PDE11A: variants seen among roughly 807,000 people sequenced by gnomAD.
PDE11A encodes phosphodiesterase 11A.
In PDE11A, 100 loss-of-function variants were observed where a neutral mutation model predicts 100.5. The ratio of observed to expected loss-of-function variants is 1.00; its 90% CI spans 0.85 to 1.18. The LOEUF (loss-of-function observed/expected upper bound fraction) is 1.18. Among genes scored for constraint, PDE11A ranks in the 50% most tolerant of loss-of-function variants. The pLI is 0.00. For missense variants in PDE11A, 1,141 were observed against 1,152.6 expected (o/e 0.99, Z 0.15); for synonymous variants, 381 against 420.8 (o/e 0.91, Z 1.16).
At chr2:177,894,333 G>C (rs1455295880) in intron 4 of PDE11A, among the ~76,000 whole-genome samples, 1 of 152,098 alleles carries the variant, frequency 6.6e-6, no homozygotes, top group African/African-American at 2.4e-5. Flanking sequence ...CAGCAGACTT[G>C]CCAAAAAGTC....
intron 19 of PDE11A, among the ~76,000 whole-genome samples, chr2:177,630,757 T>C (rs1670873624): frequency 6.6e-6 from 1 of 152,144 alleles, no homozygotes; most frequent in African/African-American, 2.4e-5. Flanking sequence ...TCAGCAAAAA[T>C]CTCTATTATG....
intron 9 of PDE11A, among the ~76,000 whole-genome samples, chr2:177,777,235 T>C (rs2082390374): frequency 7.1e-6 from 1 of 141,786 alleles, no homozygotes; most frequent in Non-Finnish European, 1.5e-5. Context: ...ATATTTGTTG[T>C]TTAAGTGACC....
intron 2 of PDE11A, chr2:177,998,411 G>T: frequency 1.1e-6 from 1 of 894,622 alleles, no homozygotes; most frequent in East Asian, 2.4e-5. Flanking sequence ...TACTCAACAG[G>T]GCATTGTTCA....
In PDE11A at chr2:177,624,150, T is replaced by TCA. The variant is rs1415891001; in HGVS notation, c.*5256_*5257insTG. On this transcript the variant is annotated 3_prime_UTR_variant, in exon 20 of 20. Transcript: ENST00000286063. ...GCAGAATAACAATTTCAGAGACTGT[T>TCA]ACTCTGAAGCAGATAATGAAACTTC... The TCA allele has an allele frequency of 6.6e-6, 1 of 152,222 alleles. No homozygotes were observed. Among genetic ancestry groups the TCA allele is most frequent in the Non-Finnish European group, 1.5e-5 (1 of 68,032 alleles). The allele number at this position is 152,222 out of a possible 1,614,324, so 9.4% of individuals were successfully genotyped here.
chr2:177,751,113 A>C (rs1214516771), intron 10 of PDE11A, among the ~76,000 whole-genome samples: 1 of 135,476 alleles, frequency 7.4e-6, no homozygotes, highest in Admixed American at 8.1e-5. Flanking sequence ...TAATGCATAG[A>C]GTCATAGTGA....
intron 19 of PDE11A, among the ~76,000 whole-genome samples, chr2:177,637,189 A>G (rs955257400): frequency 6.6e-6 from 1 of 152,238 alleles, no homozygotes; most frequent in Non-Finnish European, 1.5e-5. Flanking sequence ...TCTTCACTTT[A>G]TAGATAAGGA....
chr2:177,851,288 A>G (rs1330993410), intron 5 of PDE11A, among the ~76,000 whole-genome samples: 2 of 152,040 alleles, frequency 1.3e-5, no homozygotes, highest in African/African-American at 4.8e-5. Flanking sequence ...TCTCAAGAAC[A>G]AAAAACCAAA....
intron 2 of PDE11A, among the ~76,000 whole-genome samples, chr2:177,945,418 C>T (rs1422427224): frequency 3.8e-3 from 502 of 130,516 alleles, no homozygotes; most frequent in Non-Finnish European, 5.3e-3. Flanking sequence ...AAGTGAGGAG[C>T]GTCTCTGCCC....
rs141443666 is a variant in PDE11A, at chr2:177,772,393, T to C, written c.1738-3020A>G. Among the ~76,000 whole-genome samples, 8 of 152,324 alleles carry C rather than the reference T, an allele frequency of 5.3e-5. No homozygotes were observed. In the East Asian group the frequency reaches 1.5e-3, roughly 29 times the overall value. Reference sequence around the variant, plus strand: ...CCAACTTATAGGTATTGTATTAATATTCAATTAAAATTCTACCAAATAAAT... The same window carrying C: ...CCAACTTATAGGTATTGTATTAATACTCAATTAAAATTCTACCAAATAAAT... On this transcript the variant is annotated intron_variant, in intron 9 of 19. Coordinates refer to ENST00000286063, the MANE Select transcript of PDE11A (RefSeq NM_016953.4).
chr2:178,084,203 C>T (rs1047421044), intron 2 of PDE11A, among the ~76,000 whole-genome samples: 1 of 152,200 alleles, frequency 6.6e-6, no homozygotes, highest in Admixed American at 6.5e-5. Context: ...AAAATTAACA[C>T]TCCAAGGTAA....
In PDE11A at chr2:177,629,263, C is replaced by T; in HGVS notation, c.*144G>A. On this transcript the variant is annotated 3_prime_UTR_variant, in exon 20 of 20. Coordinates refer to ENST00000286063, the MANE Select transcript of PDE11A (RefSeq NM_016953.4). ...GCTCTCTCTGCTGCTGACCATGCTT[C>T]AAGGTGAAAGCCCAGGCATGCTTCC... 1 of 784,710 alleles carries T rather than the reference C, an allele frequency of 1.3e-6. No individual in the cohort carries two copies. The highest frequency in any genetic ancestry group is 2.3e-6 in the Non-Finnish European group (1 of 444,174). 48.6% of individuals were successfully genotyped at this position (784,710 alleles called of 1,614,324 possible).
intron 1 of PDE11A, among the ~76,000 whole-genome samples, chr2:178,048,967 G>A (rs1045633567): frequency 6.6e-6 from 1 of 152,126 alleles, no homozygotes; most frequent in Non-Finnish European, 1.5e-5. Flanking sequence ...CTGTGGCCCT[G>A]TGACCTCAGG....
chr2:177,687,179 A>C (rs938059853), intron 15 of PDE11A: 6 of 152,188 alleles, frequency 3.9e-5, no homozygotes, highest in Non-Finnish European at 7.3e-5. Context: ...AAAGGTATAA[A>C]AATTACACAG....
At chr2:177,798,314 T>G (rs1002162224) in intron 9 of PDE11A, among the ~76,000 whole-genome samples, 3 of 152,250 alleles carry the variant, frequency 2.0e-5, no homozygotes, top group African/African-American at 4.8e-5. Flanking sequence ...GTAATCATAC[T>G]TTCATTTATC....
chr2:177,907,593 A>G (rs1334407657), intron 2 of PDE11A, among the ~76,000 whole-genome samples: 1 of 152,188 alleles, frequency 6.6e-6, no homozygotes, highest in East Asian at 1.9e-4. Flanking sequence ...ATAATTCTCT[A>G]TGGATATTTT....
intron 1 of PDE11A, among the ~76,000 whole-genome samples, chr2:178,066,069 A>T: frequency 6.6e-6 from 1 of 152,100 alleles, no homozygotes; most frequent in East Asian, 1.9e-4. Flanking sequence ...TAAGGCACTC[A>T]GCTCTCTCTT....
At chr2:177,918,333 C>T (rs1454795323) in intron 2 of PDE11A, among the ~76,000 whole-genome samples, 1 of 152,206 alleles carries the variant, frequency 6.6e-6, no homozygotes, top group Non-Finnish European at 1.5e-5. Flanking sequence ...AGTCTATCTG[C>T]AACAGAGTCT....
intron 2 of PDE11A, among the ~76,000 whole-genome samples, chr2:177,994,924 T>A (rs747673588): frequency 6.6e-6 from 1 of 152,136 alleles, no homozygotes; most frequent in African/African-American, 2.4e-5. Flanking sequence ...TGTTAAGTTT[T>A]TCATTCAAAT....
At chr2:177,660,002 T>C (rs2080451721) in intron 19 of PDE11A, among the ~76,000 whole-genome samples, 1 of 152,200 alleles carries the variant, frequency 6.6e-6, no homozygotes, top group Admixed American at 6.5e-5. Flanking sequence ...CTGTCACCCA[T>C]AAATCACGAC....
Sources: gnomAD v4.1 joint callset for allele counts (sites outside exome capture counted in the v4.1 genomes callset) on GRCh38, gnomAD v4.1.1 for gene constraint, MANE v1.5 for transcripts, NCBI Gene and HGNC (gene_info 2026-07-23, HGNC 2026-07-21) for gene names.